The following AFF3 variants were observed in gnomAD, a reference collection of about 807,000 sequenced individuals.
The protein encoded by AFF3 is ALF transcription elongation factor 3.
A neutral mutation model predicts 129.7 loss-of-function variants in AFF3; 32 were observed. The ratio of observed to expected loss-of-function variants is 0.25; its 90% CI spans 0.19 to 0.33. The LOEUF (loss-of-function observed/expected upper bound fraction) is 0.33. Ranked by LOEUF, AFF3 falls within the 10% of genes least tolerant of loss-of-function variation. The pLI is 1.00. For synonymous variants in AFF3, 644 were observed against 635.4 expected, an observed-to-expected ratio of 1.01 and a Z score of -0.20; for missense variants, 1,373 against 1,592.0, an observed-to-expected ratio of 0.86 and a Z score of 2.34.
chr2:99,767,534 A>G (rs1416879154), intron 8 of AFF3, among the ~76,000 whole-genome samples: 1 of 152,266 alleles, frequency 6.6e-6, no homozygotes, highest in African/African-American at 2.4e-5. Context: ...TGAGGTAGAC[A>G]GTAAACATGT....
At chr2:100,108,873 G>A (rs1229221679) in intron 2 of AFF3, among the ~76,000 whole-genome samples, 1 of 149,232 alleles carries the variant, frequency 6.7e-6, no homozygotes, top group Non-Finnish European at 1.5e-5. Flanking sequence ...TCTACACCCT[G>A]GGAATGAGTG....
intron 8 of AFF3, among the ~76,000 whole-genome samples, chr2:99,828,225 A>T (rs1234235433): frequency 6.6e-6 from 1 of 152,232 alleles, no homozygotes; most frequent in Non-Finnish European, 1.5e-5. Context: ...CAATGGTAAA[A>T]TGACTGAAGG....
Position 100,120,667 on chromosome 2 carries a change from A to G in AFF3, c.-145+8557T>C, listed in dbSNP as rs533343067. On this transcript the variant is annotated intron_variant, in intron 2 of 24. Transcript: ENST00000672756. Reference sequence around the variant, plus strand: ...AGAGTCCCTTCACTCCACCTTAGCCATTTTTTTTTAAGAGATTGGGCCTAG... The same window carrying G: ...AGAGTCCCTTCACTCCACCTTAGCCGTTTTTTTTTAAGAGATTGGGCCTAG... 1.3e-5 allele frequency among the ~76,000 whole-genome samples: 2 copies of G among 151,152 alleles called. 1 individual carries two copies. The highest frequency in any genetic ancestry group is 1.3e-4 in the Admixed American group (2 of 15,194).
chr2:99,848,228 C>T (rs1412948959), intron 7 of AFF3, among the ~76,000 whole-genome samples: 2 of 148,042 alleles, frequency 1.4e-5, no homozygotes, highest in Non-Finnish European at 3.0e-5. Context: ...CCAGCCTGAG[C>T]AACAGAGCCA....
chr2:99,887,797 A>G (rs1693230786), intron 7 of AFF3, among the ~76,000 whole-genome samples: 1 of 152,198 alleles, frequency 6.6e-6, no homozygotes, highest in Non-Finnish European at 1.5e-5. Context: ...CCTTTATGGC[A>G]TCCCTATGGG....
chr2:99,737,388 A>T (rs1485136292), intron 10 of AFF3, among the ~76,000 whole-genome samples: 1 of 151,850 alleles, frequency 6.6e-6, no homozygotes, highest in Non-Finnish European at 1.5e-5. Context: ...TTTTGTGAGG[A>T]TTTACTGGTG....
chr2:100,114,506 C>T lies in AFF3; in HGVS notation c.-144-8923G>A, dbSNP rs371248863. Reference sequence around the variant, plus strand: ...AAGGGAGTCTCCTACCTCAGCCTCCCGAGTAGCTGGGATTACAGGGGCCTG... The same window carrying T: ...AAGGGAGTCTCCTACCTCAGCCTCCTGAGTAGCTGGGATTACAGGGGCCTG... On this transcript the variant is annotated intron_variant, in intron 2 of 24. Transcript: ENST00000672756. 1.2e-4 allele frequency among the ~76,000 whole-genome samples: 19 copies of T among 152,276 alleles called. No individual in the cohort carries two copies. In the South Asian group the frequency reaches 2.9e-3, roughly 23 times the overall value.
rs191777891 is a variant in AFF3, at chr2:99,786,692, A to T, written c.922-34391T>A. The stretch of plus-strand genomic sequence containing the variant: ...TATAAAGTTGCATAGTAAAAAAAAA[A>T]TAAACTATAACTTCAAACTAATCCT... On this transcript the variant is annotated intron_variant, in intron 8 of 24. Coordinates refer to ENST00000672756, the MANE Select transcript of AFF3 (RefSeq NM_001386135.1). Among the ~76,000 whole-genome samples the T allele has an allele frequency of 6.5e-3, 985 of 152,242 alleles. 6 individuals are homozygous for T. The highest frequency in any genetic ancestry group is 9.6e-3 in the Non-Finnish European group (654 of 68,008).
chr2:100,088,728 T>C (rs908745240), intron 4 of AFF3, among the ~76,000 whole-genome samples: 1 of 151,508 alleles, frequency 6.6e-6, no homozygotes, highest in Non-Finnish European at 1.5e-5. Flanking sequence ...TTCCTCAAAG[T>C]ACTTTACAGC....
chr2:99,896,269 T>C (rs913843684), intron 7 of AFF3, among the ~76,000 whole-genome samples: 1 of 152,090 alleles, frequency 6.6e-6, no homozygotes, highest in Non-Finnish European at 1.5e-5. Context: ...CTGTGTACTA[T>C]GGAATGCACC....
In AFF3 at chr2:99,551,021, G is replaced by A. The variant is rs1674364784; in HGVS notation, c.*453C>T. ...AAGAGCAGGTCCATCTTCACTGGCAGTCAAGCTTTTGGTGTGCTGTATTGC... is the reference window on the plus strand; with the variant it reads ...AAGAGCAGGTCCATCTTCACTGGCAATCAAGCTTTTGGTGTGCTGTATTGC... On this transcript the variant is annotated 3_prime_UTR_variant, in exon 25 of 25. Transcript: ENST00000672756. 1 of 401,486 alleles carries A rather than the reference G, an allele frequency of 2.5e-6. No homozygotes were observed. The highest frequency in any genetic ancestry group is 4.4e-6 in the Non-Finnish European group (1 of 226,860). The allele number at this position is 401,486 out of a possible 1,614,324, so 24.9% of individuals were successfully genotyped here.
At chr2:99,932,008 AT>A (rs764805396) in intron 7 of AFF3, among the ~76,000 whole-genome samples, 19 of 152,184 alleles carry the variant, frequency 1.2e-4, no homozygotes, top group Non-Finnish European at 2.4e-4. Context: ...GAAAAACAAA[AT>A]GTTAAATGGC....
intron 13 of AFF3, among the ~76,000 whole-genome samples, chr2:99,620,694 T>TGGTGA (rs199573936): frequency 0.02 from 3,024 of 152,306 alleles, 110 homozygotes; most frequent in African/African-American, 0.068. Flanking sequence ...CCAAATCACA[T>TGGTGA]AATCTGAGCT....
At chr2:99,980,565 C>T (rs950414652) in intron 7 of AFF3, among the ~76,000 whole-genome samples, 6 of 152,180 alleles carry the variant, frequency 3.9e-5, no homozygotes, top group African/African-American at 1.4e-4. Flanking sequence ...TCCATTAATG[C>T]CAGGTTTCTT....
Position 99,594,232 on chromosome 2 carries a change from G to A in AFF3, c.1429C>T (p.Pro477Ser), listed in dbSNP as rs756496394. Residue 477 changes from proline (P) to serine (S), a missense_variant, in exon 15 of 25, where the codon CCC (proline) becomes TCC (serine). Pro to Ser is a moderately conservative substitution (Grantham distance 74). Around this residue, in one of 9 missense-constraint regions of AFF3, gnomAD observed 413 missense variants for 424.4 expected, o/e 0.97. Coordinates refer to ENST00000672756, the MANE Select transcript of AFF3 (RefSeq NM_001386135.1). The part of the protein sequence containing the change: ...QLDKWLNKVN[P>S]HKPPILIQNE... ...TGGATCAGAATAGGAGGCTTGTGGG[G>A]ATTAACTTTGTTTAGCCATTTATCC... 4 of 1,613,336 alleles carry A rather than the reference G, an allele frequency of 2.5e-6. No homozygotes were observed. In the South Asian group the frequency reaches 3.3e-5, roughly 13 times the overall value.
intron 2 of AFF3, among the ~76,000 whole-genome samples, chr2:100,111,219 C>G (rs1390637564): frequency 2.0e-5 from 3 of 152,242 alleles, no homozygotes; most frequent in Non-Finnish European, 4.4e-5. Flanking sequence ...GCAGCTAACC[C>G]ATTAGAGAAG....
At chr2:99,771,909 G>A (rs1374775860) in intron 8 of AFF3, among the ~76,000 whole-genome samples, 2 of 152,170 alleles carry the variant, frequency 1.3e-5, no homozygotes, top group Admixed American at 6.5e-5. Context: ...GCAAAACAGC[G>A]ATAAGAATAG....
chr2:99,832,602 T>C (rs1413581305), intron 8 of AFF3, among the ~76,000 whole-genome samples: 1 of 152,224 alleles, frequency 6.6e-6, no homozygotes, highest in African/African-American at 2.4e-5. Flanking sequence ...TAATAGCATT[T>C]ATGAACAATT....
At chr2:99,935,750 G>A (rs1356371137) in intron 7 of AFF3, among the ~76,000 whole-genome samples, 1 of 152,096 alleles carries the variant, frequency 6.6e-6, no homozygotes, top group African/African-American at 2.4e-5. Context: ...ATTTTGGCAG[G>A]GTCTGCCCTC....
Sources: gnomAD v4.1 joint callset for allele counts (sites outside exome capture counted in the v4.1 genomes callset) on GRCh38, gnomAD v4.1.1 for gene constraint, gnomAD v4.1.1 regional missense constraint, MANE v1.5 for transcripts, NCBI Gene and HGNC (gene_info 2026-07-23, HGNC 2026-07-21) for gene names.